The following DSCAML1 variants were observed in gnomAD, a reference collection of about 807,000 sequenced individuals.
DSCAML1 encodes the protein cell adhesion molecule DSCAML1.
A neutral mutation model predicts 200.5 loss-of-function variants in DSCAML1; 38 were observed. The ratio of observed to expected loss-of-function variants is 0.19; its 90% CI spans 0.15 to 0.25. DSCAML1 has a LOEUF of 0.25. Ranked by LOEUF, DSCAML1 falls within the 10% of genes least tolerant of loss-of-function variation. The probability of loss-of-function intolerance (pLI) is 1.00; values close to 1 mark genes in which losing one functional copy is unlikely to be tolerated. For synonymous variants in DSCAML1, 1,215 were observed against 1,165.0 expected, an observed-to-expected ratio of 1.04 and a Z score of -0.87; for missense variants, 2,223 against 2,858.8, an observed-to-expected ratio of 0.78 and a Z score of 5.07.
rs1390234012 is a variant in DSCAML1, at chr11:117,505,422, C to A, written c.2062+32G>T. 2 of 1,596,488 alleles carry A rather than the reference C, an allele frequency of 1.3e-6. No individual in the cohort carries two copies. The highest frequency in any genetic ancestry group is 1.7e-6 in the Non-Finnish European group (2 of 1,174,214). ...GTAGCAGCAGGCAGAATGGGCTCCT[C>A]CCTCCCCTGAGGCTGGCCTGTCCCT... On this transcript the variant is annotated intron_variant, in intron 9 of 32. Coordinates refer to ENST00000651296, the MANE Select transcript of DSCAML1 (RefSeq NM_020693.4). This position sits in a 1 kb window ranked among gnomAD's most constrained non-coding sequence, Gnocchi z 6.7.
At chr11:117,663,384 G>A (rs369930730) in intron 3 of DSCAML1, among the ~76,000 whole-genome samples, 1 of 152,134 alleles carries the variant, frequency 6.6e-6, no homozygotes, top group South Asian at 2.1e-4. Context: ...AGGACTCTGA[G>A]GCCATCCCCC....
intron 3 of DSCAML1, among the ~76,000 whole-genome samples, chr11:117,592,592 T>A (rs1303732253): frequency 6.6e-6 from 1 of 152,192 alleles, no homozygotes; most frequent in Non-Finnish European, 1.5e-5. Context: ...GGCTCACCGA[T>A]GGTCCATAGT....
chr11:117,658,082 C>G (rs2137636733), intron 3 of DSCAML1, among the ~76,000 whole-genome samples: 1 of 152,276 alleles, frequency 6.6e-6, no homozygotes, highest in East Asian at 1.9e-4. Context: ...CACCGTGCAA[C>G]TGCCTGCTAA....
chr11:117,477,068 A>C (rs1307714144), intron 14 of DSCAML1, among the ~76,000 whole-genome samples: 1 of 152,106 alleles, frequency 6.6e-6, no homozygotes, highest in Non-Finnish European at 1.5e-5. Flanking sequence ...CATTTTATAC[A>C]TAAGGAGATG....
intron 3 of DSCAML1, among the ~76,000 whole-genome samples, chr11:117,633,822 G>A (rs539260170): frequency 6.6e-6 from 1 of 152,268 alleles, no homozygotes; most frequent in Non-Finnish European, 1.5e-5. Flanking sequence ...GTTGATTAGT[G>A]GCCCTTCGTG....
chr11:117,563,739 C>T (rs1422492788), intron 3 of DSCAML1, among the ~76,000 whole-genome samples: 2 of 152,122 alleles, frequency 1.3e-5, no homozygotes, highest in Non-Finnish European at 1.5e-5. Context: ...AGAAAATAGA[C>T]CAGTGTTGTA....
chr11:117,450,272 C>T (rs1188882451), intron 20 of DSCAML1, among the ~76,000 whole-genome samples: 2 of 152,254 alleles, frequency 1.3e-5, no homozygotes, highest in Non-Finnish European at 2.9e-5. Context: ...AGGCTGACCT[C>T]CCTTCCACCC....
intron 3 of DSCAML1, among the ~76,000 whole-genome samples, chr11:117,713,175 C>T (rs542234667): frequency 1.3e-5 from 2 of 152,178 alleles, no homozygotes; most frequent in South Asian, 2.1e-4. Context: ...CGGCTCACTG[C>T]GACCTCCACC....
chr11:117,589,714 G>A (rs1028027556), intron 3 of DSCAML1, among the ~76,000 whole-genome samples: 7 of 152,172 alleles, frequency 4.6e-5, no homozygotes, highest in African/African-American at 1.2e-4. Flanking sequence ...CATGAGGTAC[G>A]GAAAGCTTTC....
chr11:117,508,871 A>G (rs932657842), intron 8 of DSCAML1, among the ~76,000 whole-genome samples: 4 of 152,168 alleles, frequency 2.6e-5, no homozygotes, highest in African/African-American at 7.2e-5. Flanking sequence ...GGATAGAGAC[A>G]TAGTGAAATC....
chr11:117,490,450 C>T (rs115325870), intron 11 of DSCAML1, among the ~76,000 whole-genome samples: 4,636 of 152,230 alleles, frequency 0.03, 109 homozygotes, highest in African/African-American at 0.065. Flanking sequence ...TCTAGGGGTC[C>T]CCAGACCCTG....
intron 3 of DSCAML1, among the ~76,000 whole-genome samples, chr11:117,630,623 G>C (rs11216476): frequency 8.7e-6 from 1 of 115,510 alleles, no homozygotes; most frequent in Admixed American, 1.3e-4. Context: ...GTGTAGTCCC[G>C]TCTTACAGAT....
chr11:117,553,143 C>G (rs979046356), intron 3 of DSCAML1, among the ~76,000 whole-genome samples: 17 of 152,086 alleles, frequency 1.1e-4, no homozygotes, highest in African/African-American at 3.6e-4. Context: ...CACAATGGAT[C>G]GAAGGCCTGA....
chr11:117,524,658 A>G (rs934500241), intron 5 of DSCAML1, 147 bp downstream of exon 5: 26 of 1,019,816 alleles, frequency 2.5e-5, no homozygotes, highest in African/African-American at 1.5e-4. Context: ...GGGCTTTTCC[A>G]GGATACCAGA....
chr11:117,631,476 C>T (rs1399733842), intron 3 of DSCAML1, among the ~76,000 whole-genome samples: 1 of 152,226 alleles, frequency 6.6e-6, no homozygotes, highest in Admixed American at 6.5e-5. Context: ...TTAGTGTCCC[C>T]CTCCATGGGA....
chr11:117,596,961 C>A (rs778341382), intron 3 of DSCAML1, among the ~76,000 whole-genome samples: 1 of 152,124 alleles, frequency 6.6e-6, no homozygotes, highest in East Asian at 1.9e-4. Context: ...TTTGTCCCTG[C>A]GGTGGGCTTT....
At position 117,816,163 on chromosome 11, in the gene DSCAML1, C is replaced by T. The variant is rs550469349; in HGVS notation, c.-250+1227G>A. Among the ~76,000 whole-genome samples the T allele has an allele frequency of 7.2e-5, 11 of 152,328 alleles. No homozygotes were observed. In the East Asian group the frequency reaches 2.1e-3, roughly 30 times the overall value. On this transcript the variant is annotated intron_variant, in intron 1 of 2. Transcript: ENST00000525836. Reference sequence around the variant, plus strand: ...TGAAGTGTCCCCAGCCTGTGAGGCTCCTCCTGCAGCCAAAACTGGGAGGGG... The same window carrying T: ...TGAAGTGTCCCCAGCCTGTGAGGCTTCTCCTGCAGCCAAAACTGGGAGGGG...
intron 3 of DSCAML1, among the ~76,000 whole-genome samples, chr11:117,737,286 G>C (rs540279201): frequency 7.2e-5 from 11 of 152,184 alleles, no homozygotes; most frequent in South Asian, 4.1e-4. Context: ...GCTGTAAAAG[G>C]CTTTTCAGGA....
At chr11:117,809,467 A>G (rs1373885549) in intron 1 of DSCAML1, among the ~76,000 whole-genome samples, 2 of 152,210 alleles carry the variant, frequency 1.3e-5, no homozygotes. Flanking sequence ...CGCACTGGGA[A>G]CCTGGTGTCT....
Sources: allele counts gnomAD v4.1 joint callset (sites outside exome capture counted in the v4.1 genomes callset), GRCh38; gene constraint gnomAD v4.1.1; non-coding constraint Gnocchi (gnomAD v3.1); transcripts MANE v1.5; gene names NCBI Gene and HGNC (gene_info 2026-07-23, HGNC 2026-07-21).